The following EMX1 variants were observed in gnomAD, a reference collection of about 807,000 sequenced individuals.
The protein encoded by EMX1 is empty spiracles homeobox 1.
EMX1 carries 10 observed loss-of-function variants against 20.1 expected under a neutral mutation model. That is an observed-to-expected ratio of 0.50 (90% confidence interval 0.31 to 0.84). EMX1 has a LOEUF of 0.84. EMX1 is among the 40% of genes least tolerant of loss of function. The pLI is 0.05. For missense variants in EMX1, 424 were observed against 431.9 expected, an observed-to-expected ratio of 0.98 and a Z score of 0.16; for synonymous variants, 250 against 200.4, an observed-to-expected ratio of 1.25 and a Z score of -2.09.
At position 72,921,001 on chromosome 2, in the gene EMX1, C is replaced by G. The variant is rs191019711; in HGVS notation, c.520+2629C>G. ...CGGGGAATGAGGTTATCTCCGCCGC[C>G]TGTCCTGCCTCTCCCTCTCCTAGCC... On this transcript the variant is annotated intron_variant, in intron 1 of 2. Transcript: ENST00000258106. Among the ~76,000 whole-genome samples, 40 of 152,324 alleles carry G rather than the reference C, an allele frequency of 2.6e-4. 2 individuals are homozygous for G. In the Middle Eastern group the frequency reaches 0.01, roughly 39 times the overall value.
rs1671339368 is a variant in EMX1, at chr2:72,934,817, T to TG, written c.*865dup. On this transcript the variant is annotated 3_prime_UTR_variant, in exon 3 of 3. Coordinates refer to ENST00000258106, the MANE Select transcript of EMX1 (RefSeq NM_004097.3). ...GCCCACCAGGATGCTCACCTGTCCT[T>TG]GGAGAACCGCTGGGCAGGTTGAGAC... The TG allele has an allele frequency of 6.6e-6, 1 of 152,176 alleles. No individual in the cohort carries two copies. Among genetic ancestry groups the TG allele is most frequent in the Admixed American group, 6.5e-5 (1 of 15,280 alleles). The allele number at this position is 152,176 out of a possible 1,614,324, so 9.4% of individuals were successfully genotyped here.
chr2:72,916,639 T>C, upstream of EMX1: 1 of 699,048 alleles, frequency 1.4e-6, no homozygotes, highest in Non-Finnish European at 2.7e-6. Flanking sequence ...TCGAGGGAGG[T>C]CAGGCTGCTT....
rs1358565104 is a variant in EMX1 at position 72,917,827 on chromosome 2, G to A, written c.-26G>A. ...GCCGAGCGCGAGCGGGCGGGCGGGG[G>A]AGGTGAGGGGTGCGGGCGGGTGTGC... On this transcript the variant is annotated 5_prime_UTR_variant, in exon 1 of 3. Coordinates refer to ENST00000258106, the MANE Select transcript of EMX1 (RefSeq NM_004097.3). The A allele has an allele frequency of 9.2e-6, 12 of 1,310,712 alleles. No individual in the cohort carries two copies. The highest frequency in any genetic ancestry group is 1.2e-5 in the Non-Finnish European group (12 of 1,034,456). 81.2% of individuals were successfully genotyped at this position (1,310,712 alleles called of 1,614,324 possible).
chr2:72,925,345 A>C, intron 2 of EMX1: 1 of 1,145,088 alleles, frequency 8.7e-7, no homozygotes, highest in South Asian at 1.7e-5. Context: ...ATTAGATGAA[A>C]GTTATAGGGA....
chr2:72,925,040 G>A (rs1032038583), intron 2 of EMX1, among the ~76,000 whole-genome samples: 4 of 152,226 alleles, frequency 2.6e-5, no homozygotes, highest in South Asian at 4.1e-4. Context: ...CAACAGAGGG[G>A]CTTAACCAGG....
intron 1 of EMX1, among the ~76,000 whole-genome samples, chr2:72,918,764 CG>C (rs1281883449): frequency 6.6e-6 from 1 of 152,236 alleles, no homozygotes; most frequent in Non-Finnish European, 1.5e-5. Flanking sequence ...ACGCTTCTCT[CG>C]CAAGTCCACC....
chr2:72,923,011 A>G (rs1488742400), intron 1 of EMX1, among the ~76,000 whole-genome samples: 3 of 152,186 alleles, frequency 2.0e-5, no homozygotes, highest in Non-Finnish European at 4.4e-5. Flanking sequence ...ATGAGAATCC[A>G]TGGGTGATTT....
Position 72,918,020 on chromosome 2 carries a change from C to T in EMX1, c.168C>T (p.Gly56=), listed in dbSNP as rs1559056672. The T allele has an allele frequency of 2.1e-6, 3 of 1,432,726 alleles. No individual in the cohort carries two copies. The highest frequency in any genetic ancestry group is 2.7e-6 in the Non-Finnish European group (3 of 1,102,044). The allele number at this position is 1,432,726 out of a possible 1,614,324, so 88.8% of individuals were successfully genotyped here. A position where few individuals can be genotyped will look rare whatever the true frequency, so the allele number is the denominator to read the frequency against. The change falls in exon 1 of 3, where the codon GGC becomes GGT. Residue 56 remains glycine, a synonymous_variant. Transcript: ENST00000258106. ...ESLVAKDGGT[G]GGTGGGGAGS... is the part of the protein sequence containing the mutation. ...TGGTGGCCAAGGACGGCGGCACCGG[C>T]GGGGGCACTGGCGGCGGGGGCGCGG...
intron 2 of EMX1, among the ~76,000 whole-genome samples, chr2:72,928,030 A>G (rs1226520479): frequency 6.6e-6 from 1 of 152,222 alleles, no homozygotes; most frequent in Non-Finnish European, 1.5e-5. Context: ...CTCTTAATCC[A>G]GATCTCAGAA....
In EMX1 at chr2:72,930,013, A is replaced by T. The variant is rs578169156; in HGVS notation, c.706-3774A>T. On this transcript the variant is annotated intron_variant, in intron 2 of 2. Transcript: ENST00000258106. The surrounding 1 kb of genome is among the most constrained non-coding windows in gnomAD (Gnocchi z 4.4). Reference sequence around the variant, plus strand: ...AATATTAAAAACTGGCCCTCTTGCAAAAGTGTCCACAAAACTAAGAAAAAG... The same window carrying T: ...AATATTAAAAACTGGCCCTCTTGCATAAGTGTCCACAAAACTAAGAAAAAG... Among the ~76,000 whole-genome samples, 57 of 152,316 alleles carry T rather than the reference A, an allele frequency of 3.7e-4. No individual in the cohort carries two copies. The highest frequency in any genetic ancestry group is 1.7e-3 in the Admixed American group (26 of 15,304).
chr2:72,918,405 C>T (rs1432810904), intron 1 of EMX1, 33 bp downstream of exon 1: 3 of 1,359,044 alleles, frequency 2.2e-6, no homozygotes, highest in Non-Finnish European at 1.9e-6. Context: ...CCGAGGCGGC[C>T]GGCCGGCGCC....
Position 72,925,304 on chromosome 2 carries a change from T to C in EMX1, c.705+811T>C. On this transcript the variant is annotated intron_variant, in intron 2 of 2. Coordinates refer to ENST00000258106, the MANE Select transcript of EMX1 (RefSeq NM_004097.3). ...AATTACCGTGTAGTGTTTTTGTAACTGATCGTTAATTTAAGGGAAAAAATT... is the reference window on the plus strand; with the variant it reads ...AATTACCGTGTAGTGTTTTTGTAACCGATCGTTAATTTAAGGGAAAAAATT... 2.9e-6 allele frequency: 3 copies of C among 1,044,982 alleles called. No individual in the cohort carries two copies. The South Asian group carries it at 5.5e-5, about 19-fold the overall frequency. The allele number at this position is 1,044,982 out of a possible 1,614,324, so 64.7% of individuals were successfully genotyped here. A position where few individuals can be genotyped will look rare whatever the true frequency, so the allele number is the denominator to read the frequency against.
At chr2:72,916,411 C>G, upstream of EMX1, 1 of 509,084 alleles carries the variant, frequency 2.0e-6, no homozygotes, top group Non-Finnish European at 3.5e-6. Context: ...AGTGCGCCGG[C>G]AAGGTCCAGG....
Position 72,934,098 on chromosome 2 carries a change from G to A in EMX1, c.*144G>A. 1 of 1,178,906 alleles carries A rather than the reference G, an allele frequency of 8.5e-7. No homozygotes were observed. Among genetic ancestry groups the A allele is most frequent in the South Asian group, 1.6e-5 (1 of 62,116 alleles). 73.0% of individuals were successfully genotyped at this position (1,178,906 alleles called of 1,614,324 possible). A position where few individuals can be genotyped will look rare whatever the true frequency, so the allele number is the denominator to read the frequency against. On this transcript the variant is annotated 3_prime_UTR_variant, in exon 3 of 3. Transcript: ENST00000258106. ...TGGCCCCACAGGGCTTGAAGCCCGG[G>A]GCCGCCATTGACAGAGGGACAAGCA...
At chr2:72,922,901 A>C (rs984851570) in intron 1 of EMX1, among the ~76,000 whole-genome samples, 14 of 152,242 alleles carry the variant, frequency 9.2e-5, no homozygotes, top group Admixed American at 3.9e-4. Flanking sequence ...TCTCTGAAGA[A>C]ATTAATTGGA....
intron 1 of EMX1, among the ~76,000 whole-genome samples, chr2:72,919,314 C>CT (rs58745060): frequency 5.6e-4 from 85 of 150,856 alleles, no homozygotes; most frequent in African/African-American, 1.8e-3. Context: ...TTTTTCTTTT[C>CT]TTTTTTTTTA....
rs1243408303 is a variant in EMX1 at position 72,924,297 on chromosome 2, G to A, written c.521-12G>A. The A allele has an allele frequency of 6.4e-7, 1 of 1,556,664 alleles. No individual in the cohort carries two copies. The highest frequency in any genetic ancestry group is 8.6e-7 in the Non-Finnish European group (1 of 1,158,604). On this transcript the variant is annotated splice_polypyrimidine_tract_variant and intron_variant, in intron 1 of 2. Transcript: ENST00000258106. ...GTACCTGCGTGTGTTGCCGTCGGCG[G>A]CGGGGCCGCAGCCAGCGACGTGCCC...
At position 72,924,320 on chromosome 2, in the gene EMX1, C is replaced by G; in HGVS notation, c.532C>G (p.Pro178Ala). Reference protein sequence around the residue: ...FGHRFQASDVPQDGLLLHGPF... With the variant: ...FGHRFQASDVAQDGLLLHGPF... ...CGGCGGGGCCGCAGCCAGCGACGTG[C>G]CCCAGGACGGGCTGCTTCTGCACGG... The change falls in exon 2 of 3, where the codon CCC becomes GCC. Residue 178 changes from proline to alanine, a missense_variant. Pro to Ala is a conservative substitution (Grantham distance 27, BLOSUM62 -1). Transcript: ENST00000258106. 1.3e-6 allele frequency: 2 copies of G among 1,569,190 alleles called. No individual in the cohort carries two copies. The highest frequency in any genetic ancestry group is 8.6e-7 in the Non-Finnish European group (1 of 1,165,330).
rs866391652 is a variant in EMX1, at chr2:72,918,016, C to T, written c.164C>T (p.Thr55Ile). The change falls in exon 1 of 3, where the codon ACC (threonine) becomes ATC (isoleucine). Residue 55 changes from threonine to isoleucine, a missense_variant. By Grantham distance (89) the Thr-to-Ile change is moderately conservative (BLOSUM62 -1). Coordinates refer to ENST00000258106, the MANE Select transcript of EMX1 (RefSeq NM_004097.3). ...IESLVAKDGG[T>I]GGGTGGGGAG... The stretch of plus-strand genomic sequence containing the variant: ...TCCTTGGTGGCCAAGGACGGCGGCA[C>T]CGGCGGGGGCACTGGCGGCGGGGGC... 4.9e-6 allele frequency: 7 copies of T among 1,432,562 alleles called. No individual in the cohort carries two copies. Among genetic ancestry groups the T allele is most frequent in the Non-Finnish European group, 6.4e-6 (7 of 1,101,328 alleles). 88.7% of individuals were successfully genotyped at this position (1,432,562 alleles called of 1,614,324 possible). A position where few individuals can be genotyped will look rare whatever the true frequency, so the allele number is the denominator to read the frequency against.
Sources: gnomAD v4.1 joint callset for allele counts (sites outside exome capture counted in the v4.1 genomes callset) on GRCh38, gnomAD v4.1.1 for gene constraint, Gnocchi (gnomAD v3.1) non-coding constraint, MANE v1.5 for transcripts, NCBI Gene and HGNC (gene_info 2026-07-23, HGNC 2026-07-21) for gene names.